Variants in SMTNL2 observed in about 807,000 individuals in gnomAD.
SMTNL2 encodes the protein smoothelin-like protein 2.
A neutral mutation model predicts 44.1 loss-of-function variants in SMTNL2; 43 were observed. The ratio of observed to expected loss-of-function variants is 0.98; its 90% CI spans 0.76 to 1.26. SMTNL2 has a LOEUF of 1.26. SMTNL2 is among the 50% of genes most tolerant of loss of function. The pLI is 0.00. For synonymous variants in SMTNL2, 317 were observed against 287.6 expected, an observed-to-expected ratio of 1.10 and a Z score of -1.03; for missense variants, 646 against 670.2, an observed-to-expected ratio of 0.96 and a Z score of 0.40.
At position 4,592,919 on chromosome 17, in the gene SMTNL2, C is replaced by T. The variant is rs1783750658; in HGVS notation, c.488-10C>T. 1 of 1,605,932 alleles carries T rather than the reference C, an allele frequency of 6.2e-7. No homozygotes were observed. The highest frequency in any genetic ancestry group is 8.5e-7 in the Non-Finnish European group (1 of 1,174,244). ...GCTGACCACCCACCCATGCTGGTCA[C>T]ATGTTCCAGGTCCAGGCGATGGACC... On this transcript the variant is annotated splice_polypyrimidine_tract_variant and intron_variant, in intron 2 of 7. Coordinates refer to ENST00000389313, the MANE Select transcript of SMTNL2 (RefSeq NM_001114974.2). This position sits in a 1 kb window ranked among gnomAD's most constrained non-coding sequence, Gnocchi z 4.5.
intron 7 of SMTNL2, among the ~76,000 whole-genome samples, chr17:4,601,192 T>C (rs1329926082): frequency 6.6e-6 from 1 of 152,188 alleles, no homozygotes; most frequent in Non-Finnish European, 1.5e-5. Flanking sequence ...GGCAGGTGGA[T>C]TGCTTGAGCT....
chr17:4,584,727 G>T lies in SMTNL2; in HGVS notation c.122G>T (p.Gly41Val). ...GAGGACATGCGGGGGCTGCAGCGCGGCGTGGAGCGGCGAGTGGCAGAGGCG... is the reference window on the plus strand; with the variant it reads ...GAGGACATGCGGGGGCTGCAGCGCGTCGTGGAGCGGCGAGTGGCAGAGGCG... The part of the protein sequence containing the change: ...LHEDMRGLQR[G>V]VERRVAEAMR... The change falls in exon 1 of 8, where the codon GGC becomes GTC. Residue 41 changes from glycine (G) to valine (V), a missense_variant. Gly to Val is a moderately radical substitution (Grantham distance 109). Transcript: ENST00000389313. The T allele has an allele frequency of 7.7e-7, 1 of 1,305,532 alleles. No individual in the cohort carries two copies. The highest frequency in any genetic ancestry group is 3.2e-5 in the East Asian group (1 of 31,104). The allele number at this position is 1,305,532 out of a possible 1,614,324, so 80.9% of individuals were successfully genotyped here. A position where few individuals can be genotyped will look rare whatever the true frequency, so the allele number is the denominator to read the frequency against.
intron 1 of SMTNL2, among the ~76,000 whole-genome samples, chr17:4,587,592 G>A (rs770231646): frequency 1.3e-5 from 2 of 152,206 alleles, no homozygotes; most frequent in Admixed American, 6.5e-5. Flanking sequence ...CTTTGTGTCT[G>A]TGTAGTGGGG....
At position 4,592,406 on chromosome 17, in the gene SMTNL2, T is replaced by A; in HGVS notation, c.445T>A (p.Ser149Thr). Residue 149 changes from serine to threonine, a missense_variant, in exon 2 of 8, where the codon TCA becomes ACA. Ser to Thr is a moderately conservative substitution (Grantham distance 58). Coordinates refer to ENST00000389313, the MANE Select transcript of SMTNL2 (RefSeq NM_001114974.2). The surrounding 1 kb of genome is among the most constrained non-coding windows in gnomAD (Gnocchi z 4.5). ...CAGTGAGTCGGAGATGAGAAAGACC[T>A]CAAACTCCTGCATCATGGAAAATGG... ...EASESEMRKT[S>T]NSCIMENGHQ... The A allele has an allele frequency of 6.2e-7, 1 of 1,613,402 alleles. No individual in the cohort carries two copies.
At chr17:4,604,716 G>C (rs1910196839) in intron 7 of SMTNL2, among the ~76,000 whole-genome samples, 1 of 152,094 alleles carries the variant, frequency 6.6e-6, no homozygotes, top group South Asian at 2.1e-4. Flanking sequence ...TCTGTCAGCA[G>C]GCTGGAGTGC....
At chr17:4,594,139 T>C (rs920952034) in intron 4 of SMTNL2, among the ~76,000 whole-genome samples, 1 of 152,008 alleles carries the variant, frequency 6.6e-6, no homozygotes, top group African/African-American at 2.4e-5. Flanking sequence ...TTGTGGGACC[T>C]TCAAGTCAGT....
In SMTNL2 at chr17:4,593,161, C is replaced by T. The variant is rs1019379130; in HGVS notation, c.720C>T (p.Pro240=). Residue 240 remains proline, a synonymous_variant, in exon 3 of 8, where the codon CCC becomes CCT. Coordinates refer to ENST00000389313, the MANE Select transcript of SMTNL2 (RefSeq NM_001114974.2). ...SPSEVITPWT[P]SPSEKNSSFT... The stretch of plus-strand genomic sequence containing the variant: ...GCGAGGTCATCACGCCCTGGACTCC[C>T]AGTCCTAGCGGTATGAGCTGGAGAG... 1.2e-6 allele frequency: 2 copies of T among 1,604,076 alleles called. No homozygotes were observed. The highest frequency in any genetic ancestry group is 1.7e-6 in the Non-Finnish European group (2 of 1,173,372).
rs1420541617 is a variant in SMTNL2 at position 4,596,877 on chromosome 17, G to C, written c.1007G>C (p.Arg336Pro). Reference sequence around the variant, plus strand: ...CTCCGCAGGGGGAAAGGCGAGGCCCGGGCCAGGCTGAAGCGGTCGCAGAGC... The same window carrying C: ...CTCCGCAGGGGGAAAGGCGAGGCCCCGGCCAGGCTGAAGCGGTCGCAGAGC... Reference protein sequence around the residue: ...TAAGKGKGEARARLKRSQSFG... With the variant: ...TAAGKGKGEAPARLKRSQSFG... Residue 336 changes from arginine (R) to proline (P), a missense_variant, in exon 6 of 8, where the codon CGG becomes CCG. By Grantham distance (103) the Arg-to-Pro change is moderately radical (BLOSUM62 -2). Coordinates refer to ENST00000389313, the MANE Select transcript of SMTNL2 (RefSeq NM_001114974.2). The C allele has an allele frequency of 2.7e-6, 4 of 1,493,636 alleles. No individual in the cohort carries two copies. The South Asian group carries it at 3.8e-5, about 14-fold the overall frequency. 92.5% of individuals were successfully genotyped at this position (1,493,636 alleles called of 1,614,324 possible).
At chr17:4,584,166 G>C (rs4790649), upstream of SMTNL2, 88,463 of 155,834 alleles carry the variant, frequency 0.57, 26,029 homozygotes, top group East Asian at 0.69. Context: ...GGCGGCAGCT[G>C]TGGGAGCTGT....
Position 4,607,408 on chromosome 17 carries a change from T to G in SMTNL2, c.1307T>G (p.Val436Gly). 3.1e-6 allele frequency: 5 copies of G among 1,614,162 alleles called. No individual in the cohort carries two copies. The highest frequency in any genetic ancestry group is 4.2e-6 in the Non-Finnish European group (5 of 1,180,028). ...ERLIEVEDMM[V>G]MGRKPDPMCV... is the part of the protein sequence containing the mutation. The stretch of plus-strand genomic sequence containing the variant: ...CTCATCGAAGTGGAGGACATGATGG[T>G]GATGGGCCGCAAGCCGGACCCCATG... Residue 436 changes from valine (V) to glycine (G), a missense_variant, in exon 8 of 8, where the codon GTG becomes GGG. Val to Gly is a moderately radical substitution (Grantham distance 109). Coordinates refer to ENST00000389313, the MANE Select transcript of SMTNL2 (RefSeq NM_001114974.2). This position sits in a 1 kb window ranked among gnomAD's most constrained non-coding sequence, Gnocchi z 4.7.
chr17:4,599,144 CG>C (rs1255971558), intron 7 of SMTNL2, among the ~76,000 whole-genome samples: 1 of 152,206 alleles, frequency 6.6e-6, no homozygotes, highest in Non-Finnish European at 1.5e-5. Context: ...TTTGGAATAT[CG>C]GTATCAGCCC....
At position 4,596,737 on chromosome 17, in the gene SMTNL2, G is replaced by A. The variant is rs1012501393; in HGVS notation, c.990-123G>A. 8 of 798,296 alleles carry A rather than the reference G, an allele frequency of 1.0e-5. No homozygotes were observed. In the African/African-American group the frequency reaches 1.4e-4, roughly 14 times the overall value. 49.5% of individuals were successfully genotyped at this position (798,296 alleles called of 1,614,324 possible). On this transcript the variant is annotated intron_variant, in intron 5 of 7. Transcript: ENST00000389313. ...ACGTGTGCCACCAGCATCTCCCCTG[G>A]GTGAGCAGAGCAGGTGGGAGCACCC...
intron 1 of SMTNL2, among the ~76,000 whole-genome samples, chr17:4,585,756 C>G (rs560834709): frequency 1.5e-4 from 23 of 152,348 alleles, no homozygotes; most frequent in Admixed American, 5.2e-4. Flanking sequence ...ATTTTCCATC[C>G]TGATCAGGCA....
rs898632774 is a variant in SMTNL2 at position 4,584,620 on chromosome 17, C to T, written c.15C>T (p.Pro5=). The T allele has an allele frequency of 2.4e-6, 3 of 1,244,092 alleles. No individual in the cohort carries two copies. Among genetic ancestry groups the T allele is most frequent in the African/African-American group, 1.6e-5 (1 of 63,950 alleles). The allele number at this position is 1,244,092 out of a possible 1,614,324, so 77.1% of individuals were successfully genotyped here. A position where few individuals can be genotyped will look rare whatever the true frequency, so the allele number is the denominator to read the frequency against. MEPA[P]DAQEARTVRE... ...TCTGCTGGGCCATGGAGCCGGCCCC[C>T]GACGCCCAGGAGGCGCGCACTGTGC... Residue 5 remains proline (P), a synonymous_variant, in exon 1 of 8, where the codon CCC becomes CCT. Transcript: ENST00000389313.
intron 1 of SMTNL2, among the ~76,000 whole-genome samples, chr17:4,588,859 T>C (rs1424133603): frequency 6.6e-6 from 1 of 152,250 alleles, no homozygotes; most frequent in Non-Finnish European, 1.5e-5. Flanking sequence ...GCTCTGCCAC[T>C]ACCTTTAGTC....
chr17:4,590,394 G>C (rs553675427), intron 1 of SMTNL2, among the ~76,000 whole-genome samples: 1 of 152,048 alleles, frequency 6.6e-6, no homozygotes, highest in East Asian at 1.9e-4. Flanking sequence ...TGAAATGTGG[G>C]GGCCTCATCC....
intron 1 of SMTNL2, among the ~76,000 whole-genome samples, chr17:4,588,891 C>T (rs1020127106): frequency 2.0e-5 from 3 of 152,324 alleles, no homozygotes; most frequent in Admixed American, 6.5e-5. Flanking sequence ...TTTAGGGGTT[C>T]CCCCTGCCCC....
intron 7 of SMTNL2, among the ~76,000 whole-genome samples, chr17:4,599,468 C>G (rs946157701): frequency 1.3e-5 from 2 of 152,148 alleles, no homozygotes; most frequent in African/African-American, 4.8e-5. Context: ...CCCCAGCACC[C>G]ACCCCAGCGG....
Position 4,595,296 on chromosome 17 carries a change from G to A in SMTNL2, c.958G>A (p.Glu320Lys). Reference sequence around the variant, plus strand: ...GGCGCAGGCCCGGAAAGCATTGTTTGAGAAGTGGGAGCAGGAAACGGCGGC... The same window carrying A: ...GGCGCAGGCCCGGAAAGCATTGTTTAAGAAGTGGGAGCAGGAAACGGCGGC... Reference protein sequence around the residue: ...SEAQARKALFEKWEQETAAGK... With the variant: ...SEAQARKALFKKWEQETAAGK... Residue 320 changes from glutamate to lysine, a missense_variant, in exon 5 of 8, where the codon GAG (glutamate) becomes AAG (lysine). Coordinates refer to ENST00000389313, the MANE Select transcript of SMTNL2 (RefSeq NM_001114974.2). The surrounding 1 kb of genome is among the most constrained non-coding windows in gnomAD (Gnocchi z 5.1). The A allele has an allele frequency of 6.2e-7, 1 of 1,612,998 alleles. No homozygotes were observed.
Sources: allele counts gnomAD v4.1 joint callset (sites outside exome capture counted in the v4.1 genomes callset), GRCh38; gene constraint gnomAD v4.1.1; non-coding constraint Gnocchi (gnomAD v3.1); transcripts MANE v1.5; gene names NCBI Gene and HGNC (gene_info 2026-07-23, HGNC 2026-07-21).